Variants in C19orf44 observed in about 807,000 individuals in gnomAD.
The protein encoded by C19orf44 is uncharacterized protein C19orf44.
C19orf44 carries 43 observed loss-of-function variants against 50.7 expected under a neutral mutation model. The ratio of observed to expected loss-of-function variants is 0.85; its 90% CI spans 0.66 to 1.09. The LOEUF (loss-of-function observed/expected upper bound fraction) is 1.09, where lower values mean the gene tolerates loss of function less well. C19orf44 is among the 50% of genes least tolerant of loss of function. The pLI is 0.00. For synonymous variants in C19orf44, 298 were observed against 334.7 expected (o/e 0.89, Z 1.20); for missense variants, 722 against 836.2 (o/e 0.86, Z 1.68).
rs747503827 is a variant in C19orf44 at position 16,517,238 on chromosome 19, G to T, written c.1911G>T (p.Arg637Ser). Residue 637 changes from arginine to serine, a missense_variant, in exon 8 of 9, where the codon AGG becomes AGT. Coordinates refer to ENST00000221671, the MANE Select transcript of C19orf44 (RefSeq NM_032207.4). Reference sequence around the variant, plus strand: ...TGTTCTCTGCCTGACAGTACATTAGGTGCCACAGACCTGCCCCACTGACCA... The same window carrying T: ...TGTTCTCTGCCTGACAGTACATTAGTTGCCACAGACCTGCCCCACTGACCA... ...HTLEEAKEYIRCHRPAPLTME... is the reference protein window; with the variant it reads ...HTLEEAKEYISCHRPAPLTME... 2 of 1,614,052 alleles carry T rather than the reference G, an allele frequency of 1.2e-6. No homozygotes were observed. The highest frequency in any genetic ancestry group is 1.7e-6 in the Non-Finnish European group (2 of 1,179,976).
chr19:16,517,360 T>A lies in C19orf44; in HGVS notation c.*40+19T>A. 13 of 1,516,326 alleles carry A rather than the reference T, an allele frequency of 8.6e-6. No homozygotes were observed. Among genetic ancestry groups the A allele is most frequent in the Non-Finnish European group, 1.2e-5 (13 of 1,096,362 alleles). The allele number at this position is 1,516,326 out of a possible 1,614,324, so 93.9% of individuals were successfully genotyped here. On this transcript the variant is annotated intron_variant, in intron 8 of 8. Transcript: ENST00000221671. ...ACAAAAGGTATCCCGTCCTGTGTAC[T>A]CAGTGCACACACACGCACACAAACA...
At chr19:16,498,095 G>A (rs2093415025) in intron 1 of C19orf44, among the ~76,000 whole-genome samples, 2 of 152,168 alleles carry the variant, frequency 1.3e-5, no homozygotes, top group African/African-American at 4.8e-5. Flanking sequence ...AACAGAGTGA[G>A]AGCCTGTCTC....
At position 16,517,298 on chromosome 19, in the gene C19orf44, G is replaced by T; in HGVS notation, c.1971G>T (p.Leu657=). The T allele has an allele frequency of 6.2e-7, 1 of 1,614,052 alleles. No homozygotes were observed. The highest frequency in any genetic ancestry group is 8.5e-7 in the Non-Finnish European group (1 of 1,179,956). The change falls in exon 8 of 9, where the codon CTG becomes CTT. Residue 657 remains leucine (L), a synonymous_variant. Transcript: ENST00000221671. ...EDALEEVNKE[L] is the part of the protein sequence containing the mutation. Reference sequence around the variant, plus strand: ...CCCTGGAGGAGGTGAACAAGGAGCTGTGAGCGCCAGCAGGTGGAGCTTGAC... The same window carrying T: ...CCCTGGAGGAGGTGAACAAGGAGCTTTGAGCGCCAGCAGGTGGAGCTTGAC...
At chr19:16,514,442 C>T (rs79065415) in intron 6 of C19orf44, 55 bp from the exon 7 acceptor site, 1 of 1,410,872 alleles carries the variant, frequency 7.1e-7, no homozygotes, top group East Asian at 2.6e-5. Flanking sequence ...GGGGGGGGGG[C>T]TGCAGAATTT....
intron 7 of C19orf44, among the ~76,000 whole-genome samples, chr19:16,516,395 G>A (rs1401754522): frequency 6.6e-6 from 1 of 152,106 alleles, no homozygotes; most frequent in African/African-American, 2.4e-5. Context: ...TAGTGAGGGA[G>A]AAAGCGGGAC....
At chr19:16,496,723 C>T (rs2093410337) in intron 1 of C19orf44, 2 of 156,266 alleles carry the variant, frequency 1.3e-5, no homozygotes, top group Non-Finnish European at 2.9e-5. Context: ...TTTATTGAGC[C>T]TTCATTTACA....
intron 8 of C19orf44, among the ~76,000 whole-genome samples, 164 bp downstream of exon 8, chr19:16,517,505 G>A (rs1400940322): frequency 6.6e-6 from 1 of 152,192 alleles, no homozygotes; most frequent in Non-Finnish European, 1.5e-5. Flanking sequence ...GGCAGGTGGT[G>A]CTGCGGTGAG....
chr19:16,514,456 G>A (rs778250309), intron 6 of C19orf44, 41 bp from the exon 7 acceptor site: 2 of 1,538,670 alleles, frequency 1.3e-6, no homozygotes, highest in East Asian at 4.9e-5. Context: ...AGAATTTGTG[G>A]GGCCCCAGCG....
chr19:16,500,802 G>A lies in C19orf44; in HGVS notation c.10G>A (p.Ala4Thr). 1 of 1,574,340 alleles carries A rather than the reference G, an allele frequency of 6.4e-7. No individual in the cohort carries two copies. The highest frequency in any genetic ancestry group is 8.6e-7 in the Non-Finnish European group (1 of 1,162,802). ...CCTCTTCCTCCACAGAATGGCTTCT[G>A]CAAGGAAAGCCAGCCGTCCCATGCG... MAS[A>T]RKASRPMRDV... The change falls in exon 2 of 9, where the codon GCA (alanine) becomes ACA (threonine). Residue 4 changes from alanine (A) to threonine (T), a missense_variant. Transcript: ENST00000221671.
In C19orf44 at chr19:16,501,034, C is replaced by T. The variant is rs545414273; in HGVS notation, c.242C>T (p.Pro81Leu). ...GGACCCAGGCTTGCCTCATGTAGAC[C>T]GCCCACCACTGCCTCCAGGATCCGA... The part of the protein sequence containing the change: ...GSGPRLASCR[P>L]PTTASRIRAN... The change falls in exon 2 of 9, where the codon CCG (proline) becomes CTG (leucine). Residue 81 changes from proline (P) to leucine (L), a missense_variant. Transcript: ENST00000221671. 290 of 1,613,990 alleles carry T rather than the reference C, an allele frequency of 1.8e-4. 5 individuals are homozygous for T. In the South Asian group the frequency reaches 2.9e-3, roughly 16 times the overall value.
Position 16,520,803 on chromosome 19 carries a change from A to G in C19orf44, c.*750A>G. The G allele has an allele frequency of 6.2e-7, 1 of 1,610,438 alleles. No individual in the cohort carries two copies. The highest frequency in any genetic ancestry group is 8.5e-7 in the Non-Finnish European group (1 of 1,177,594). Reference sequence around the variant, plus strand: ...AGCTGTGGACCCTGGCCCCCCGGCCACTGCAGACATCTGCGCTTTTACCTG... The same window carrying G: ...AGCTGTGGACCCTGGCCCCCCGGCCGCTGCAGACATCTGCGCTTTTACCTG... On this transcript the variant is annotated 3_prime_UTR_variant, in exon 9 of 9. Coordinates refer to ENST00000221671, the MANE Select transcript of C19orf44 (RefSeq NM_032207.4). The surrounding 1 kb of genome is among the most constrained non-coding windows in gnomAD (Gnocchi z 4.0).
In C19orf44 at chr19:16,519,089, T is replaced by C; in HGVS notation, c.*41-1005T>C. 2.9e-6 allele frequency: 4 copies of C among 1,396,972 alleles called. No homozygotes were observed. Among genetic ancestry groups the C allele is most frequent in the Non-Finnish European group, 3.9e-6 (4 of 1,014,022 alleles). The allele number at this position is 1,396,972 out of a possible 1,614,324, so 86.5% of individuals were successfully genotyped here. ...AACTGAGCTGTCACTGCAATCTTCC[T>C]CTGCCAGTCAGCCAGGAAGGTCCCA... On this transcript the variant is annotated intron_variant, in intron 8 of 8. Transcript: ENST00000221671. This position sits in a 1 kb window ranked among gnomAD's most constrained non-coding sequence, Gnocchi z 6.0.
intron 1 of C19orf44, among the ~76,000 whole-genome samples, chr19:16,499,824 C>G (rs1300923988): frequency 1.3e-5 from 2 of 151,940 alleles, no homozygotes; most frequent in Non-Finnish European, 2.9e-5. Context: ...GAGTCTCGCT[C>G]TGTCGTCCAG....
chr19:16,507,809 T>C (rs2093444750), intron 4 of C19orf44, among the ~76,000 whole-genome samples: 1 of 149,396 alleles, frequency 6.7e-6, no homozygotes, highest in South Asian at 2.1e-4. Context: ...ATTATTATTA[T>C]TATTATTATT....
intron 4 of C19orf44, among the ~76,000 whole-genome samples, chr19:16,508,895 A>T (rs2093448283): frequency 6.6e-6 from 1 of 151,220 alleles, no homozygotes; most frequent in Non-Finnish European, 1.5e-5. Flanking sequence ...ATCTCAGCTC[A>T]CCATAACCTC....
intron 3 of C19orf44, 68 bp downstream of exon 3, chr19:16,503,448 G>A: frequency 6.0e-6 from 9 of 1,489,962 alleles, no homozygotes; most frequent in Non-Finnish European, 7.3e-6. Flanking sequence ...TAGAGTCCCT[G>A]ACGCAGTGGT....
intron 6 of C19orf44, 46 bp downstream of exon 6, chr19:16,513,155 C>A: frequency 6.4e-7 from 1 of 1,562,934 alleles, no homozygotes; most frequent in Non-Finnish European, 8.8e-7. Flanking sequence ...TTTTACAGGA[C>A]TCATTTCACC....
intron 2 of C19orf44, 117 bp from the exon 3 acceptor site, chr19:16,502,948 C>G (rs1362818256): frequency 4.3e-6 from 4 of 926,160 alleles, no homozygotes; most frequent in African/African-American, 1.7e-5. Context: ...TATTGAGCCA[C>G]TGCCCTCCAG....
At chr19:16,508,391 C>T (rs1004186159) in intron 4 of C19orf44, among the ~76,000 whole-genome samples, 2 of 152,132 alleles carry the variant, frequency 1.3e-5, no homozygotes, top group Non-Finnish European at 2.9e-5. Flanking sequence ...GCATGCGCCA[C>T]CATGCCTGGC....
Sources: gnomAD v4.1 joint callset for allele counts (sites outside exome capture counted in the v4.1 genomes callset) on GRCh38, gnomAD v4.1.1 for gene constraint, Gnocchi (gnomAD v3.1) non-coding constraint, MANE v1.5 for transcripts, NCBI Gene and HGNC (gene_info 2026-07-23, HGNC 2026-07-21) for gene names.